The following FARP2 variants were observed in gnomAD, a reference collection of about 807,000 sequenced individuals.
The protein encoded by FARP2 is FERM, ARHGEF and pleckstrin domain-containing protein 2.
Under a neutral mutation model 130.5 loss-of-function variants are expected in FARP2, and 111 were observed. That is an observed-to-expected ratio of 0.85 (90% CI 0.73 to 1.00). The LOEUF (loss-of-function observed/expected upper bound fraction) is 1.00, where lower values mean the gene tolerates loss of function less well. FARP2 is among the 50% of genes least tolerant of loss of function. The probability of loss-of-function intolerance (pLI) is 0.00; values close to 1 mark genes in which losing one functional copy is unlikely to be tolerated. For missense variants in FARP2, 1,385 were observed against 1,346.3 expected, an observed-to-expected ratio of 1.03 and a Z score of -0.45; for synonymous variants, 504 against 516.9, an observed-to-expected ratio of 0.98 and a Z score of 0.34.
rs537368232 is a variant in FARP2 at position 241,366,850 on chromosome 2, A to T, written c.-24-6234A>T. On this transcript the variant is annotated intron_variant, in intron 1 of 26. Coordinates refer to ENST00000264042, the MANE Select transcript of FARP2 (RefSeq NM_014808.4). ...AGCTGGGGCTGGGAGTGGTGCCGTG[A>T]CTCAGTTTGTTAATGGCAGAGTTGA... is the stretch of plus-strand genomic sequence containing the variant. 2.4e-4 allele frequency among the ~76,000 whole-genome samples: 36 copies of T among 152,054 alleles called. No homozygotes were observed. In the East Asian group the frequency reaches 6.9e-3, roughly 29 times the overall value.
chr2:241,453,673 G>A (rs141678693), intron 13 of FARP2, among the ~76,000 whole-genome samples: 7 of 149,946 alleles, frequency 4.7e-5, no homozygotes, highest in African/African-American at 1.5e-4. Context: ...TTTAACCTCC[G>A]TAGGACCAAA....
chr2:241,476,328 A>G (rs1384873564), intron 19 of FARP2, among the ~76,000 whole-genome samples: 2 of 151,860 alleles, frequency 1.3e-5, no homozygotes, highest in Non-Finnish European at 2.9e-5. Context: ...TCGAGGCTGG[A>G]GTAAGCCCTG....
chr2:241,404,913 G>A (rs1269868546), intron 4 of FARP2, 72 bp downstream of exon 4: 1 of 1,112,150 alleles, frequency 9.0e-7, no homozygotes, highest in Non-Finnish European at 1.4e-6. Flanking sequence ...TAAAAGGCAT[G>A]TTCAACTGTT....
At chr2:241,428,320 C>T (rs2063008169) in intron 8 of FARP2, among the ~76,000 whole-genome samples, 3 of 148,680 alleles carry the variant, frequency 2.0e-5, no homozygotes, top group Non-Finnish European at 3.0e-5. Flanking sequence ...CTGCAACCTG[C>T]GCCTCCTGGG....
At chr2:241,377,333 CTTTTTTTTT>C (rs1258121395) in intron 2 of FARP2, among the ~76,000 whole-genome samples, 1 of 129,722 alleles carries the variant, frequency 7.7e-6, no homozygotes, top group Non-Finnish European at 1.6e-5. Flanking sequence ...TTGTTGGTTT[CTTTTTTTTT>C]TTTTTTTTTT....
intron 18 of FARP2, among the ~76,000 whole-genome samples, chr2:241,471,120 T>C (rs185880315): frequency 2.0e-5 from 3 of 150,440 alleles, no homozygotes; most frequent in Admixed American, 1.3e-4. Context: ...GACCCTGTTC[T>C]GAGGAGGATT....
rs566825045 is a variant in FARP2 at position 241,425,341 on chromosome 2, T to G, written c.772-6338T>G. 2.7e-4 allele frequency among the ~76,000 whole-genome samples: 41 copies of G among 152,190 alleles called. 1 individual carries two copies. The highest frequency in any genetic ancestry group is 1.8e-3 in the Admixed American group (27 of 15,286). ...CAAAAATTGATAAATGAGATTTAAT[T>G]AAACTGAAAAGCTTATGCACAGCAA... On this transcript the variant is annotated intron_variant, in intron 8 of 26. Transcript: ENST00000264042.
rs1170546245 is a variant in FARP2, at chr2:241,434,236, T to C, written c.946T>C (p.Tyr316His). The C allele has an allele frequency of 1.9e-6, 3 of 1,613,656 alleles. No individual in the cohort carries two copies. The highest frequency in any genetic ancestry group is 1.1e-5 in the South Asian group (1 of 91,044). Residue 316 changes from tyrosine (Y) to histidine (H), a missense_variant, in exon 10 of 27, where the codon TAT becomes CAT. By Grantham distance (83) the Tyr-to-His change is moderately conservative (BLOSUM62 2). Coordinates refer to ENST00000264042, the MANE Select transcript of FARP2 (RefSeq NM_014808.4). ...CKNFWKICVEYHTFFRLLDQP... is the reference protein window; with the variant it reads ...CKNFWKICVEHHTFFRLLDQP... ...GAACTTCTGGAAGATTTGTGTGGAGTATCACACCTTTTTTAGACTTTTGGA... is the reference window on the plus strand; with the variant it reads ...GAACTTCTGGAAGATTTGTGTGGAGCATCACACCTTTTTTAGACTTTTGGA...
chr2:241,405,510 G>A (rs1486404235), intron 4 of FARP2: 2 of 152,128 alleles, frequency 1.3e-5, no homozygotes, highest in Non-Finnish European at 2.9e-5. Context: ...GAAGAAAAAC[G>A]TGTAGAAATA....
At chr2:241,451,911 C>T (rs2063668614) in intron 13 of FARP2, among the ~76,000 whole-genome samples, 3 of 152,108 alleles carry the variant, frequency 2.0e-5, no homozygotes, top group Admixed American at 2.0e-4. Flanking sequence ...TGCACAACCA[C>T]ACCCGGCAAA....
At chr2:241,418,795 T>C (rs752106380) in intron 8 of FARP2, among the ~76,000 whole-genome samples, 10 of 152,174 alleles carry the variant, frequency 6.6e-5, no homozygotes, top group Non-Finnish European at 1.5e-4. Flanking sequence ...CTTTTCTCCT[T>C]ATTCAGGCCC....
At chr2:241,437,665 TATTTA>T (rs2063271086) in intron 12 of FARP2, among the ~76,000 whole-genome samples, 1 of 143,850 alleles carries the variant, frequency 7.0e-6, no homozygotes, top group Admixed American at 7.5e-5. Flanking sequence ...TTTATTTATT[TATTTA>T]TTTTTTTTTT....
chr2:241,386,171 C>T (rs1279309426), intron 2 of FARP2, among the ~76,000 whole-genome samples: 3 of 152,166 alleles, frequency 2.0e-5, no homozygotes. Context: ...TAGCTCACTG[C>T]ATCCTTGAAC....
At position 241,362,815 on chromosome 2, in the gene FARP2, G is replaced by A. The variant is rs142651022; in HGVS notation, c.-25+6427G>A. 3.9e-3 allele frequency among the ~76,000 whole-genome samples: 598 copies of A among 152,252 alleles called. 4 individuals are homozygous for A. The highest frequency in any genetic ancestry group is 6.8e-3 in the Non-Finnish European group (461 of 68,028). On this transcript the variant is annotated intron_variant, in intron 1 of 26. Coordinates refer to ENST00000264042, the MANE Select transcript of FARP2 (RefSeq NM_014808.4). ...CTGACTTCAAAGATAATGTATACTCGTCACTGTAGGTGATTTGACAAATAC... is the reference window on the plus strand; with the variant it reads ...CTGACTTCAAAGATAATGTATACTCATCACTGTAGGTGATTTGACAAATAC...
At chr2:241,461,090 C>T (rs1198017064) in intron 14 of FARP2, among the ~76,000 whole-genome samples, 2 of 152,202 alleles carry the variant, frequency 1.3e-5, no homozygotes, top group African/African-American at 4.8e-5. Flanking sequence ...CTCCACATGC[C>T]ACCTCAGCTA....
At chr2:241,487,744 C>CCTTT (rs1390065024) in intron 21 of FARP2, among the ~76,000 whole-genome samples, 1 of 45,174 alleles carries the variant, frequency 2.2e-5, no homozygotes, top group Non-Finnish European at 4.3e-5. Flanking sequence ...GCCTAGCCTA[C>CCTTT]TCTTTTTTTT....
At chr2:241,395,998 T>G (rs1179495900) in intron 2 of FARP2, 2 of 152,154 alleles carry the variant, frequency 1.3e-5, no homozygotes, top group East Asian at 1.9e-4. Context: ...TTTAGTACTT[T>G]AAAAATGATA....
intron 7 of FARP2, among the ~76,000 whole-genome samples, chr2:241,416,921 C>T (rs963739382): frequency 6.6e-6 from 1 of 151,390 alleles, no homozygotes; most frequent in Non-Finnish European, 1.5e-5. Context: ...AACGAATGAG[C>T]GAGTGAGTGG....
At chr2:241,366,568 T>C (rs911677957) in intron 1 of FARP2, among the ~76,000 whole-genome samples, 1 of 152,250 alleles carries the variant, frequency 6.6e-6, no homozygotes, top group Non-Finnish European at 1.5e-5. Context: ...GCTGAATTTG[T>C]CTGAAAGTGA....
Sources: gnomAD v4.1 joint callset for allele counts (sites outside exome capture counted in the v4.1 genomes callset) on GRCh38, gnomAD v4.1.1 for gene constraint, MANE v1.5 for transcripts, NCBI Gene and HGNC (gene_info 2026-07-23, HGNC 2026-07-21) for gene names.